ZFPM1: variants seen among roughly 807,000 people sequenced by gnomAD.
ZFPM1 encodes the protein zinc finger protein, FOG family member 1, also known as zinc finger protein ZFPM1.
ZFPM1 carries 28 observed loss-of-function variants against 46.3 expected under a neutral mutation model. The ratio of observed to expected loss-of-function variants is 0.60; its 90% CI spans 0.45 to 0.83. The LOEUF (loss-of-function observed/expected upper bound fraction) is 0.83. Ranked by LOEUF, ZFPM1 falls within the 40% of genes least tolerant of loss-of-function variation. The probability of loss-of-function intolerance (pLI) is 0.00; values close to 1 mark genes in which losing one functional copy is unlikely to be tolerated. For missense variants in ZFPM1, 1,878 were observed against 1,432.4 expected, an observed-to-expected ratio of 1.31 and a Z score of -5.02; for synonymous variants, 957 against 675.9, an observed-to-expected ratio of 1.42 and a Z score of -6.45.
rs779660568 is a variant in ZFPM1 at position 88,534,366 on chromosome 16, G to A, written c.2408G>A (p.Arg803His). The A allele has an allele frequency of 9.8e-6, 14 of 1,431,430 alleles. No individual in the cohort carries two copies. Among genetic ancestry groups the A allele is most frequent in the Admixed American group, 2.8e-5 (1 of 36,262 alleles). The allele number at this position is 1,431,430 out of a possible 1,614,324, so 88.7% of individuals were successfully genotyped here. The change falls in exon 10 of 10, where the codon CGC becomes CAC. Residue 803 changes from arginine to histidine, a missense_variant. Arg to His is a conservative substitution (Grantham distance 29). Coordinates refer to ENST00000319555, the MANE Select transcript of ZFPM1 (RefSeq NM_153813.3). The stretch of plus-strand genomic sequence containing the variant: ...ATCGACCTGAGCAAGAAGCCGCGGC[G>A]CCCGCTCCCCGGAGCCCCGGCACCG... ...GPIDLSKKPR[R>H]PLPGAPAPAL...
chr16:88,468,303 G>C (rs959602709), intron 1 of ZFPM1, among the ~76,000 whole-genome samples: 1 of 152,158 alleles, frequency 6.6e-6, no homozygotes, highest in Non-Finnish European at 1.5e-5. Context: ...CAGATCTAGA[G>C]GGAGAGCTGA....
intron 3 of ZFPM1, among the ~76,000 whole-genome samples, chr16:88,504,384 A>C (rs1241151833): frequency 1.3e-5 from 2 of 152,104 alleles, no homozygotes; most frequent in Non-Finnish European, 2.9e-5. Context: ...CAAAGACCAG[A>C]CTACTAGGAC....
intron 1 of ZFPM1, among the ~76,000 whole-genome samples, chr16:88,455,693 G>T (rs1261898114): frequency 7.9e-5 from 12 of 152,130 alleles, no homozygotes; most frequent in Admixed American, 7.9e-4. Flanking sequence ...CTTTTGTTCC[G>T]TGCGGAGATA....
intron 3 of ZFPM1, among the ~76,000 whole-genome samples, chr16:88,494,410 T>C (rs1909808410): frequency 2.0e-5 from 3 of 152,064 alleles, no homozygotes; most frequent in Admixed American, 1.3e-4. Flanking sequence ...AGTGGGGTTG[T>C]TGCAGTGCGG....
intron 4 of ZFPM1, among the ~76,000 whole-genome samples, chr16:88,518,775 GA>G: frequency 7.3e-6 from 1 of 137,778 alleles, no homozygotes; most frequent in East Asian, 2.2e-4. Context: ...ATGGATGGAT[GA>G]TGGGTGGATG....
intron 1 of ZFPM1, among the ~76,000 whole-genome samples, chr16:88,476,320 C>A (rs982445257): frequency 2.0e-5 from 3 of 152,246 alleles, no homozygotes; most frequent in Admixed American, 6.5e-5. Flanking sequence ...TGTTTCCAGG[C>A]CCTGACCCTT....
chr16:88,529,958 G>C (rs925319384), intron 6 of ZFPM1, among the ~76,000 whole-genome samples: 2 of 152,182 alleles, frequency 1.3e-5, no homozygotes, highest in Non-Finnish European at 1.5e-5. Context: ...GCCCAGGTTG[G>C]GGGCAGGGGC....
chr16:88,518,770 TG>T (rs1911548306), intron 4 of ZFPM1, among the ~76,000 whole-genome samples: 1 of 122,204 alleles, frequency 8.2e-6, no homozygotes, highest in Non-Finnish European at 1.8e-5. Flanking sequence ...GATGGATGGA[TG>T]GATGATGGGT....
chr16:88,519,130 G>GTGGA (rs545032519), intron 4 of ZFPM1, among the ~76,000 whole-genome samples: 3,510 of 121,192 alleles, frequency 0.029, 128 homozygotes, highest in African/African-American at 0.064. Flanking sequence ...GGATGGATGG[G>GTGGA]TGGATGGATG....
At chr16:88,526,781 C>T (rs372467207) in intron 4 of ZFPM1, 33 bp from the exon 5 acceptor site, 5 of 1,519,854 alleles carry the variant, frequency 3.3e-6, no homozygotes, top group Middle Eastern at 2.1e-4. Flanking sequence ...GCTGACGGAC[C>T]CCTCCCCACG....
chr16:88,489,751 C>T (rs1048682811), intron 3 of ZFPM1, among the ~76,000 whole-genome samples: 1 of 152,246 alleles, frequency 6.6e-6, no homozygotes, highest in Admixed American at 6.5e-5. Context: ...GTCCCATGAA[C>T]GTGTTCTCCC....
intron 3 of ZFPM1, among the ~76,000 whole-genome samples, chr16:88,489,529 C>G (rs1909437253): frequency 6.6e-6 from 1 of 152,224 alleles, no homozygotes; most frequent in Non-Finnish European, 1.5e-5. Flanking sequence ...GCCTTCCCAG[C>G]TGGGCCGGGA....
chr16:88,472,446 C>T lies in ZFPM1; in HGVS notation c.41-13493C>T, dbSNP rs529362661. Reference sequence around the variant, plus strand: ...TGGGCCCACTGCAACATCTGCCTCCCGGATTCAAGATATTCTCCTGCCTCA... The same window carrying T: ...TGGGCCCACTGCAACATCTGCCTCCTGGATTCAAGATATTCTCCTGCCTCA... On this transcript the variant is annotated intron_variant, in intron 1 of 9. Transcript: ENST00000319555. Among the ~76,000 whole-genome samples, 14 of 151,646 alleles carry T rather than the reference C, an allele frequency of 9.2e-5. No homozygotes were observed. In the East Asian group the frequency reaches 1.4e-3, roughly 15 times the overall value.
rs995945702 is a variant in ZFPM1 at position 88,480,466 on chromosome 16, G to A, written c.41-5473G>A. 5.9e-5 allele frequency among the ~76,000 whole-genome samples: 9 copies of A among 152,204 alleles called. No homozygotes were observed. Among genetic ancestry groups the A allele is most frequent in the East Asian group, 3.9e-4 (2 of 5,192 alleles). ...GCCGTGGTGCTGGTGGGGGAGGAGC[G>A]GGGCCGTGTGGCTGCCAGTGGTCAC... On this transcript the variant is annotated intron_variant, in intron 1 of 9. Transcript: ENST00000319555. This position sits in a 1 kb window ranked among gnomAD's most constrained non-coding sequence, Gnocchi z 4.9.
intron 4 of ZFPM1, among the ~76,000 whole-genome samples, chr16:88,520,431 A>C (rs1911744945): frequency 2.0e-5 from 3 of 147,006 alleles, no homozygotes; most frequent in African/African-American, 7.6e-5. Context: ...GGGTGGATAG[A>C]TGGATGGATA....
At chr16:88,508,155 G>A (rs1910760179) in intron 3 of ZFPM1, among the ~76,000 whole-genome samples, 1 of 152,142 alleles carries the variant, frequency 6.6e-6, no homozygotes, top group Admixed American at 6.5e-5. Context: ...AAATTAACCG[G>A]GTGCGGTGGC....
chr16:88,503,882 C>G (rs1315628695), intron 3 of ZFPM1, among the ~76,000 whole-genome samples: 2 of 152,072 alleles, frequency 1.3e-5, no homozygotes, highest in African/African-American at 2.4e-5. Context: ...AGGTGACGAG[C>G]CTGAAGGGTC....
chr16:88,496,942 A>G (rs1364794956), intron 3 of ZFPM1, among the ~76,000 whole-genome samples: 3 of 152,024 alleles, frequency 2.0e-5, no homozygotes, highest in Non-Finnish European at 4.4e-5. Context: ...CTGAGTGGAC[A>G]TGGGGCTGGG....
chr16:88,506,544 C>T (rs1910671297), intron 3 of ZFPM1, among the ~76,000 whole-genome samples: 1 of 152,176 alleles, frequency 6.6e-6, no homozygotes, highest in Non-Finnish European at 1.5e-5. Flanking sequence ...TGTGCGTCCG[C>T]AGAGTGGTGG....
Sources: gnomAD v4.1 joint callset for allele counts (sites outside exome capture counted in the v4.1 genomes callset) on GRCh38, gnomAD v4.1.1 for gene constraint, Gnocchi (gnomAD v3.1) non-coding constraint, MANE v1.5 for transcripts, NCBI Gene and HGNC (gene_info 2026-07-23, HGNC 2026-07-21) for gene names.